Variants in FAM184B observed in about 807,000 individuals in gnomAD.
FAM184B encodes family with sequence similarity 184 member B.
A neutral mutation model predicts 135.9 loss-of-function variants in FAM184B; 111 were observed. The observed-to-expected ratio is 0.82, with a 90% confidence interval of 0.70 to 0.96. The LOEUF (loss-of-function observed/expected upper bound fraction) is 0.96. FAM184B is among the 40% of genes least tolerant of loss of function. FAM184B has a pLI of 0.00. For synonymous variants in FAM184B, 552 were observed against 524.8 expected, an observed-to-expected ratio of 1.05 and a Z score of -0.71; for missense variants, 1,375 against 1,323.9, an observed-to-expected ratio of 1.04 and a Z score of -0.60.
intron 1 of FAM184B, among the ~76,000 whole-genome samples, chr4:17,732,354 A>G (rs2108978526): frequency 6.6e-6 from 1 of 152,346 alleles, no homozygotes; most frequent in East Asian, 1.9e-4. Context: ...ACTGAAGGAA[A>G]TAGAGACACA....
At chr4:17,772,744 G>C (rs115088760) in intron 1 of FAM184B, among the ~76,000 whole-genome samples, 1 of 152,190 alleles carries the variant, frequency 6.6e-6, no homozygotes, top group East Asian at 1.9e-4. Flanking sequence ...GTTAATACTG[G>C]AGACTGTGGC....
At chr4:17,700,491 C>T (rs1446671059) in intron 5 of FAM184B, among the ~76,000 whole-genome samples, 1 of 152,158 alleles carries the variant, frequency 6.6e-6, no homozygotes, top group African/African-American at 2.4e-5. Flanking sequence ...TTTCAATTTA[C>T]ATGAAACAAA....
At chr4:17,638,070 A>G (rs1487689481) in intron 14 of FAM184B, among the ~76,000 whole-genome samples, 1 of 119,648 alleles carries the variant, frequency 8.4e-6, no homozygotes, top group Non-Finnish European at 1.7e-5. Context: ...TGTTTTGCCC[A>G]CCCTTGCCAC....
At chr4:17,691,471 A>G (rs1716733596) in intron 6 of FAM184B, among the ~76,000 whole-genome samples, 1 of 151,738 alleles carries the variant, frequency 6.6e-6, no homozygotes. Context: ...GGATCACCTG[A>G]GCTCAGGAGT....
chr4:17,663,212 C>T (rs1274636052), intron 8 of FAM184B, among the ~76,000 whole-genome samples: 1 of 152,204 alleles, frequency 6.6e-6, no homozygotes, highest in East Asian at 1.9e-4. Flanking sequence ...GCTAAGATTA[C>T]AGACATGAGC....
intron 1 of FAM184B, among the ~76,000 whole-genome samples, chr4:17,723,722 G>A (rs1162153927): frequency 1.3e-5 from 2 of 152,176 alleles, no homozygotes; most frequent in African/African-American, 4.8e-5. Flanking sequence ...TTCCAGAAAT[G>A]TCTAGGCAGG....
At chr4:17,685,374 C>A (rs1267067076) in intron 7 of FAM184B, among the ~76,000 whole-genome samples, 1 of 151,126 alleles carries the variant, frequency 6.6e-6, no homozygotes, top group Non-Finnish European at 1.5e-5. Flanking sequence ...TATGGTGAAA[C>A]CTCATCTCTA....
At chr4:17,751,340 G>A (rs1718287697) in intron 1 of FAM184B, among the ~76,000 whole-genome samples, 1 of 147,806 alleles carries the variant, frequency 6.8e-6, no homozygotes, top group African/African-American at 2.5e-5. Context: ...CAGCACATAG[G>A]AAAAAGTACC....
At chr4:17,690,370 G>T (rs963244653) in intron 6 of FAM184B, among the ~76,000 whole-genome samples, 5 of 152,172 alleles carry the variant, frequency 3.3e-5, no homozygotes, top group African/African-American at 1.2e-4. Flanking sequence ...ACGGGACAGA[G>T]GCAGCAGAGC....
At chr4:17,731,882 A>AT (rs937810240) in intron 1 of FAM184B, among the ~76,000 whole-genome samples, 4 of 152,102 alleles carry the variant, frequency 2.6e-5, no homozygotes, top group Admixed American at 2.0e-4. Context: ...CAGAATATAC[A>AT]TTTTTTTCAG....
At chr4:17,704,286 T>C (rs1036063735) in intron 5 of FAM184B, among the ~76,000 whole-genome samples, 1 of 152,212 alleles carries the variant, frequency 6.6e-6, no homozygotes, top group African/African-American at 2.4e-5. Context: ...TACTTACTTA[T>C]TCCAGCAAAC....
intron 13 of FAM184B, among the ~76,000 whole-genome samples, chr4:17,641,078 C>T (rs926208778): frequency 1.3e-5 from 2 of 152,200 alleles, no homozygotes; most frequent in African/African-American, 4.8e-5. Flanking sequence ...GGACTGCAGG[C>T]ATGCACCACC....
chr4:17,776,604 C>A (rs1718931731), intron 1 of FAM184B, among the ~76,000 whole-genome samples: 1 of 152,160 alleles, frequency 6.6e-6, no homozygotes, highest in South Asian at 2.1e-4. Context: ...GTTGGTCAGG[C>A]TGGTCTCAAA....
intron 1 of FAM184B, among the ~76,000 whole-genome samples, chr4:17,711,255 C>T (rs1308707384): frequency 6.6e-5 from 10 of 151,020 alleles, no homozygotes; most frequent in Admixed American, 6.6e-4. Flanking sequence ...CTGAGGTGGG[C>T]GGATCACATG....
At chr4:17,688,249 C>T (rs988588320) in intron 7 of FAM184B, among the ~76,000 whole-genome samples, 175 bp downstream of exon 7, 13 of 148,016 alleles carry the variant, frequency 8.8e-5, no homozygotes, top group African/African-American at 3.0e-4. Context: ...CTATTTCCTT[C>T]GTGGTTTCTG....
At chr4:17,687,890 G>A (rs754370675) in intron 7 of FAM184B, among the ~76,000 whole-genome samples, 2 of 152,160 alleles carry the variant, frequency 1.3e-5, no homozygotes. Context: ...AAGCCACCAA[G>A]TACATGGTCA....
intron 8 of FAM184B, among the ~76,000 whole-genome samples, chr4:17,660,390 ATGAC>A (rs1007290057): frequency 2.6e-5 from 4 of 152,126 alleles, no homozygotes; most frequent in African/African-American, 7.2e-5. Context: ...AACTGTCAGA[ATGAC>A]TGAGAGCTTA....
Position 17,633,669 on chromosome 4 carries a change from GT to G in FAM184B, c.3089+19del. On this transcript the variant is annotated intron_variant, in intron 17 of 17. Coordinates refer to ENST00000265018, the MANE Select transcript of FAM184B (RefSeq NM_015688.2). ...ACAGGGAAATAGAATAAGGGCCCCT[GT>G]CCCCAACATCCCCCAAACCTTGTGG... The G allele has an allele frequency of 6.7e-7, 1 of 1,494,160 alleles. No homozygotes were observed. Among genetic ancestry groups the G allele is most frequent in the Non-Finnish European group, 9.0e-7 (1 of 1,116,776 alleles). The allele number at this position is 1,494,160 out of a possible 1,614,324, so 92.6% of individuals were successfully genotyped here.
chr4:17,740,047 G>A (rs1433452760), intron 1 of FAM184B, among the ~76,000 whole-genome samples: 4 of 151,916 alleles, frequency 2.6e-5, no homozygotes, highest in Admixed American at 6.6e-5. Context: ...CACAAAACAG[G>A]CACTCATAAA....
Sources: allele counts gnomAD v4.1 joint callset (sites outside exome capture counted in the v4.1 genomes callset), GRCh38; gene constraint gnomAD v4.1.1; transcripts MANE v1.5; gene names NCBI Gene and HGNC (gene_info 2026-07-23, HGNC 2026-07-21).